The following GABRB1 variants were observed in gnomAD, a reference collection of about 807,000 sequenced individuals.
The protein encoded by GABRB1 is gamma-aminobutyric acid type A receptor subunit beta1.
A neutral mutation model predicts 51.6 loss-of-function variants in GABRB1; 17 were observed. That is an observed-to-expected ratio of 0.33 (90% CI 0.23 to 0.49). The LOEUF is 0.49. Among genes scored for constraint, GABRB1 ranks in the 20% least tolerant of loss-of-function variants. The pLI is 0.99. For synonymous variants in GABRB1, 247 were observed against 218.9 expected (o/e 1.13, Z -1.14); for missense variants, 410 against 600.6 (o/e 0.68, Z 3.32).
chr4:47,074,704 A>C (rs1727476480), intron 3 of GABRB1, among the ~76,000 whole-genome samples: 1 of 152,210 alleles, frequency 6.6e-6, no homozygotes, highest in South Asian at 2.1e-4. Context: ...AAGACTTCAG[A>C]AGAGATGACT....
chr4:47,252,846 C>T (rs1189593046), intron 4 of GABRB1, among the ~76,000 whole-genome samples: 1 of 152,032 alleles, frequency 6.6e-6, no homozygotes, highest in East Asian at 1.9e-4. Context: ...GTTAAAATCC[C>T]TTATCATACC....
chr4:47,314,348 T>C (rs1045655488), intron 4 of GABRB1, among the ~76,000 whole-genome samples: 1 of 152,076 alleles, frequency 6.6e-6, no homozygotes, highest in South Asian at 2.1e-4. Flanking sequence ...AGACATTAAC[T>C]AGTTATTTTG....
chr4:47,028,803 GTGTATATATA>G (rs1232689763), upstream of GABRB1, among the ~76,000 whole-genome samples: 2 of 141,472 alleles, frequency 1.4e-5, no homozygotes, highest in African/African-American at 2.5e-5. Context: ...GTGTATATAT[GTGTATATATA>G]TGTATATATG....
At chr4:47,088,445 CTG>C (rs1336685341) in intron 3 of GABRB1, among the ~76,000 whole-genome samples, 1 of 152,150 alleles carries the variant, frequency 6.6e-6, no homozygotes, top group African/African-American at 2.4e-5. Context: ...AAGATAAAGA[CTG>C]TGGGTGCTAG....
intron 1 of GABRB1, among the ~76,000 whole-genome samples, chr4:47,011,127 A>G (rs1312541734): frequency 6.6e-6 from 1 of 152,218 alleles, no homozygotes; most frequent in Non-Finnish European, 1.5e-5. Context: ...TGAAATTCAA[A>G]GGTCAAAGTA....
chr4:47,192,447 A>G (rs1271226607), intron 4 of GABRB1, among the ~76,000 whole-genome samples: 2 of 152,238 alleles, frequency 1.3e-5, no homozygotes, highest in African/African-American at 2.4e-5. Context: ...ACAGAATGAA[A>G]AAAGTAAAAA....
chr4:47,392,338 C>CTT (rs5858067), intron 5 of GABRB1, among the ~76,000 whole-genome samples: 16,173 of 130,696 alleles, frequency 0.12, 1,265 homozygotes, highest in Middle Eastern at 0.22. Context: ...TCCCTTCCAC[C>CTT]TTTTTTTTTT....
In GABRB1 at chr4:47,137,099, G is replaced by A. The variant is rs184456132; in HGVS notation, c.241-24150G>A. Among the ~76,000 whole-genome samples the A allele has an allele frequency of 9.5e-4, 144 of 152,174 alleles. 2 individuals carry two copies. The highest frequency in any genetic ancestry group is 3.4e-3 in the Middle Eastern group (1 of 294). On this transcript the variant is annotated intron_variant, in intron 3 of 8. Transcript: ENST00000295454. ...ACATTGATTTATAAACAAGTCCTGC[G>A]CTAAAAAATGGCTTAAAGACTCAAA...
At chr4:47,348,768 C>T (rs1196456961) in intron 5 of GABRB1, among the ~76,000 whole-genome samples, 1 of 152,130 alleles carries the variant, frequency 6.6e-6, no homozygotes, top group African/African-American at 2.4e-5. Flanking sequence ...TCAGAAATCA[C>T]TCTAGCTGTG....
At chr4:47,383,175 A>G (rs892464849) in intron 5 of GABRB1, among the ~76,000 whole-genome samples, 1 of 152,234 alleles carries the variant, frequency 6.6e-6, no homozygotes, top group African/African-American at 2.4e-5. Flanking sequence ...CCTAGTTGCT[A>G]AGGCTATCCA....
intron 4 of GABRB1, among the ~76,000 whole-genome samples, chr4:47,204,746 T>C (rs969127201): frequency 6.6e-6 from 1 of 152,168 alleles, no homozygotes; most frequent in Non-Finnish European, 1.5e-5. Flanking sequence ...CCAAGTAAGA[T>C]GTGACTTGTT....
At chr4:47,368,083 C>T (rs566051967) in intron 5 of GABRB1, among the ~76,000 whole-genome samples, 18 of 152,274 alleles carry the variant, frequency 1.2e-4, no homozygotes, top group African/African-American at 4.1e-4. Flanking sequence ...AGTGGGAACT[C>T]CAAGCCCAAT....
At chr4:47,403,858 T>C in intron 7 of GABRB1, 147 bp downstream of exon 7, 1 of 732,520 alleles carries the variant, frequency 1.4e-6, no homozygotes, top group Non-Finnish European at 2.2e-6. Context: ...CATCTAAATG[T>C]AAGAATGTCC....
intron 5 of GABRB1, among the ~76,000 whole-genome samples, chr4:47,329,905 C>A (rs966218703): frequency 6.6e-6 from 1 of 151,874 alleles, no homozygotes; most frequent in African/African-American, 2.4e-5. Context: ...AATTGGCTCA[C>A]GCAATTATGG....
intron 4 of GABRB1, among the ~76,000 whole-genome samples, chr4:47,230,236 G>C (rs957211551): frequency 6.6e-6 from 1 of 152,118 alleles, no homozygotes; most frequent in Non-Finnish European, 1.5e-5. Flanking sequence ...GGAGAATGTT[G>C]CATGACAGGA....
At chr4:47,104,815 T>C (rs532608354) in intron 3 of GABRB1, among the ~76,000 whole-genome samples, 1 of 152,186 alleles carries the variant, frequency 6.6e-6, no homozygotes, top group South Asian at 2.1e-4. Flanking sequence ...TCTGCTGAAA[T>C]GACTTAGCTG....
At position 47,338,802 on chromosome 4, in the gene GABRB1, A is replaced by G. The variant is rs182934422; in HGVS notation, c.544+18593A>G. Among the ~76,000 whole-genome samples, 21 of 152,312 alleles carry G rather than the reference A, an allele frequency of 1.4e-4. No homozygotes were observed. In the East Asian group the frequency reaches 2.5e-3, roughly 18 times the overall value. ...CCTCTTCCTAATTCCCAGGAAAGAA[A>G]TATCCACTATTTGTTGCACTGAACA... On this transcript the variant is annotated intron_variant, in intron 5 of 8. Coordinates refer to ENST00000295454, the MANE Select transcript of GABRB1 (RefSeq NM_000812.4).
At position 47,077,921 on chromosome 4, in the gene GABRB1, T is replaced by TTTATATATA. The variant is rs1393794608; in HGVS notation, c.240+45446_240+45454dup. On this transcript the variant is annotated intron_variant, in intron 3 of 8. Transcript: ENST00000295454. ...TATGTATTTTATATATATTATATAT[T>TTTATATATA]TTATATATATTATATATTTTATATA... Among the ~76,000 whole-genome samples the TTTATATATA allele has an allele frequency of 4.0e-3, 532 of 132,032 alleles. 10 individuals are homozygous for TTTATATATA. Among genetic ancestry groups the TTTATATATA allele is most frequent in the African/African-American group, 0.014 (496 of 34,958 alleles). The allele number at this position is 132,032 out of a possible 152,430, so 86.6% of individuals were successfully genotyped here.
chr4:47,370,127 T>C (rs1441263341), intron 5 of GABRB1, among the ~76,000 whole-genome samples: 4 of 152,136 alleles, frequency 2.6e-5, no homozygotes, highest in Non-Finnish European at 5.9e-5. Flanking sequence ...ATTTTATTTT[T>C]CTCATCAAGG....
Sources: gnomAD v4.1 joint callset for allele counts (sites outside exome capture counted in the v4.1 genomes callset) on GRCh38, gnomAD v4.1.1 for gene constraint, MANE v1.5 for transcripts, NCBI Gene and HGNC (gene_info 2026-07-23, HGNC 2026-07-21) for gene names.